Variants in PTPRG observed in about 807,000 individuals in gnomAD.
The protein encoded by PTPRG is protein tyrosine phosphatase receptor type G.
PTPRG carries 102 observed loss-of-function variants against 165.3 expected under a neutral mutation model. That is an observed-to-expected ratio of 0.62 (90% CI 0.53 to 0.73). PTPRG has a LOEUF of 0.73. Ranked by LOEUF, PTPRG falls within the 30% of genes least tolerant of loss-of-function variation. PTPRG has a pLI of 0.00. For synonymous variants in PTPRG, 675 were observed against 669.5 expected (o/e 1.01, Z -0.13); for missense variants, 1,866 against 1,861.4 (o/e 1.00, Z -0.05).
intron 8 of PTPRG, among the ~76,000 whole-genome samples, chr3:62,188,997 G>T (rs1033514611): frequency 6.6e-6 from 1 of 152,000 alleles, no homozygotes; most frequent in African/African-American, 2.4e-5. Flanking sequence ...CTTAGAAGCC[G>T]GAGTATTTAA....
chr3:62,214,448 G>A lies in PTPRG; in HGVS notation c.2156-4403G>A, dbSNP rs946786359. Among the ~76,000 whole-genome samples the A allele has an allele frequency of 1.3e-5, 2 of 152,184 alleles. No individual in the cohort carries two copies. Among genetic ancestry groups the A allele is most frequent in the African/African-American group, 4.8e-5 (2 of 41,432 alleles). On this transcript the variant is annotated intron_variant, in intron 12 of 29. Transcript: ENST00000474889. This position sits in a 1 kb window ranked among gnomAD's most constrained non-coding sequence, Gnocchi z 5.2. ...TTAATCTTCATCCCACCACAATGCCGTATGCAATATTATTACTTCCATTTA... is the reference window on the plus strand; with the variant it reads ...TTAATCTTCATCCCACCACAATGCCATATGCAATATTATTACTTCCATTTA...
intron 8 of PTPRG, among the ~76,000 whole-genome samples, chr3:62,169,266 G>A (rs1484705851): frequency 6.6e-6 from 1 of 152,084 alleles, no homozygotes; most frequent in Non-Finnish European, 1.5e-5. Context: ...CCTGTCTCCT[G>A]TCCATATCAT....
chr3:61,971,305 C>T (rs1481692312), intron 2 of PTPRG, among the ~76,000 whole-genome samples: 1 of 151,926 alleles, frequency 6.6e-6, no homozygotes, highest in Non-Finnish European at 1.5e-5. Flanking sequence ...GTAGGCTTAT[C>T]ATCATGGAAG....
chr3:62,261,658 A>T (rs1701702156), intron 16 of PTPRG, among the ~76,000 whole-genome samples: 2 of 151,264 alleles, frequency 1.3e-5, no homozygotes, highest in South Asian at 4.2e-4. Flanking sequence ...TTCAATTTAC[A>T]GTGTCCAACA....
intron 1 of PTPRG, among the ~76,000 whole-genome samples, chr3:61,592,030 C>T (rs12492431): frequency 0.31 from 47,142 of 150,908 alleles, 9,030 homozygotes; most frequent in South Asian, 0.5. Context: ...CTGGAGTCAA[C>T]GGCATGATCT....
chr3:61,839,164 C>G (rs971567043), intron 2 of PTPRG, among the ~76,000 whole-genome samples: 2 of 152,048 alleles, frequency 1.3e-5, no homozygotes, highest in Admixed American at 6.5e-5. Context: ...AGTAACATCA[C>G]TGAGAAAAGA....
At chr3:62,099,550 T>C (rs1186915589) in intron 5 of PTPRG, among the ~76,000 whole-genome samples, 1 of 152,112 alleles carries the variant, frequency 6.6e-6, no homozygotes, top group African/African-American at 2.4e-5. Context: ...ACGCTTTATG[T>C]TCTTACACAG....
chr3:62,064,243 T>A (rs1401012231), intron 4 of PTPRG, among the ~76,000 whole-genome samples: 1 of 152,216 alleles, frequency 6.6e-6, no homozygotes, highest in African/African-American at 2.4e-5. Flanking sequence ...AGAAAACTAC[T>A]GTTAGTTTGT....
At chr3:61,935,748 G>T (rs2039470504) in intron 2 of PTPRG, among the ~76,000 whole-genome samples, 1 of 149,198 alleles carries the variant, frequency 6.7e-6, no homozygotes, top group African/African-American at 2.5e-5. Context: ...CCAAATCCAA[G>T]AAGTCATCAT....
At chr3:61,872,217 G>C (rs781120264) in intron 2 of PTPRG, among the ~76,000 whole-genome samples, 1 of 152,202 alleles carries the variant, frequency 6.6e-6, no homozygotes, top group Non-Finnish European at 1.5e-5. Flanking sequence ...CAATAAGAAT[G>C]TTGATTCTGG....
At position 62,233,179 on chromosome 3, in the gene PTPRG, G is replaced by A. The variant is rs909351046; in HGVS notation, c.2375+1868G>A. ...TGCCTTGGGACTCCACTGCAGCGGC[G>A]TGAATCCTGAGCAGTACCCCCTCTC... On this transcript the variant is annotated intron_variant, in intron 14 of 29. Transcript: ENST00000474889. This position sits in a 1 kb window ranked among gnomAD's most constrained non-coding sequence, Gnocchi z 4.7. Among the ~76,000 whole-genome samples, 32 of 152,274 alleles carry A rather than the reference G, an allele frequency of 2.1e-4. No individual in the cohort carries two copies. Among genetic ancestry groups the A allele is most frequent in the African/African-American group, 6.5e-4 (27 of 41,548 alleles).
At chr3:62,289,075 T>C (rs1702777200) in intron 28 of PTPRG, among the ~76,000 whole-genome samples, 1 of 152,330 alleles carries the variant, frequency 6.6e-6, no homozygotes, top group Non-Finnish European at 1.5e-5. Flanking sequence ...CCAATCTCTG[T>C]TCTGAGCCAT....
At chr3:62,051,279 A>G (rs1311598496) in intron 4 of PTPRG, among the ~76,000 whole-genome samples, 2 of 152,304 alleles carry the variant, frequency 1.3e-5, no homozygotes, top group East Asian at 3.9e-4. Flanking sequence ...ACTAATTTCA[A>G]AGTCAGTTGC....
intron 4 of PTPRG, among the ~76,000 whole-genome samples, chr3:62,018,282 T>C (rs1487592566): frequency 1.3e-5 from 2 of 152,186 alleles, no homozygotes; most frequent in East Asian, 3.9e-4. Context: ...TCCTTATTAC[T>C]GGTAAATGAA....
chr3:62,121,824 G>C (rs1056809765), intron 5 of PTPRG, among the ~76,000 whole-genome samples: 16 of 152,202 alleles, frequency 1.1e-4, no homozygotes, highest in Non-Finnish European at 2.2e-4. Context: ...AGAGGAGAGA[G>C]AGTTGGCCCA....
intron 4 of PTPRG, among the ~76,000 whole-genome samples, chr3:62,007,475 T>C (rs1032819177): frequency 6.6e-6 from 1 of 152,244 alleles, no homozygotes; most frequent in Non-Finnish European, 1.5e-5. Context: ...TACAATGCCA[T>C]GCCTTGGAGA....
At chr3:62,278,548 C>CA (rs1359621661) in intron 26 of PTPRG, among the ~76,000 whole-genome samples, 2 of 151,800 alleles carry the variant, frequency 1.3e-5, no homozygotes, top group Non-Finnish European at 2.9e-5. Flanking sequence ...GAGGTAAAAA[C>CA]AAAAAACAGT....
intron 2 of PTPRG, among the ~76,000 whole-genome samples, chr3:61,945,600 A>G (rs1380420896): frequency 6.6e-6 from 1 of 150,950 alleles, no homozygotes; most frequent in Non-Finnish European, 1.5e-5. Flanking sequence ...TGGAAAAAAC[A>G]TAAATGGAGG....
intron 4 of PTPRG, among the ~76,000 whole-genome samples, chr3:62,077,421 A>T (rs1300895970): frequency 6.6e-6 from 1 of 152,166 alleles, no homozygotes; most frequent in Non-Finnish European, 1.5e-5. Flanking sequence ...CTATTTTCTC[A>T]TCTATAGCTG....
Sources: allele counts gnomAD v4.1 joint callset (sites outside exome capture counted in the v4.1 genomes callset), GRCh38; gene constraint gnomAD v4.1.1; non-coding constraint Gnocchi (gnomAD v3.1); transcripts MANE v1.5; gene names NCBI Gene and HGNC (gene_info 2026-07-23, HGNC 2026-07-21).